Variants in ABHD12 observed in about 807,000 individuals in gnomAD.
The protein encoded by ABHD12 is lysophosphatidylserine lipase ABHD12.
Under a neutral mutation model 58.3 loss-of-function variants are expected in ABHD12, and 43 were observed. That is an observed-to-expected ratio of 0.74 (90% confidence interval 0.58 to 0.95). ABHD12 has a LOEUF of 0.95. Among genes scored for constraint, ABHD12 ranks in the 40% least tolerant of loss-of-function variants. ABHD12 has a pLI of 0.00. For missense variants in ABHD12, 539 were observed against 537.2 expected (o/e 1.00, Z -0.03); for synonymous variants, 219 against 211.2 (o/e 1.04, Z -0.32).
At chr20:25,302,680 A>C (rs1333163359) in intron 11 of ABHD12, among the ~76,000 whole-genome samples, 3 of 152,132 alleles carry the variant, frequency 2.0e-5, no homozygotes, top group Non-Finnish European at 4.4e-5. Flanking sequence ...GCTGGGACAA[A>C]AGGTATGTGC....
intron 1 of ABHD12, among the ~76,000 whole-genome samples, chr20:25,371,252 A>G (rs1421601723): frequency 2.0e-5 from 3 of 152,228 alleles, no homozygotes; most frequent in Admixed American, 6.5e-5. Context: ...CAATGCCTAC[A>G]TTGGGGTGTG....
At chr20:25,386,173 C>G (rs919937614) in intron 1 of ABHD12, among the ~76,000 whole-genome samples, 1 of 151,314 alleles carries the variant, frequency 6.6e-6, no homozygotes, top group Non-Finnish European at 1.5e-5. Context: ...TTTTACAAAG[C>G]TATAGAAAAC....
chr20:25,355,550 CG>C (rs1386097958), intron 1 of ABHD12, among the ~76,000 whole-genome samples: 2 of 151,612 alleles, frequency 1.3e-5, no homozygotes, highest in Non-Finnish European at 2.9e-5. Flanking sequence ...AAAGTATAAA[CG>C]GTTTTTTTTT....
At chr20:25,364,523 G>A (rs116267841) in intron 1 of ABHD12, among the ~76,000 whole-genome samples, 1,688 of 152,238 alleles carry the variant, frequency 0.011, 31 homozygotes, top group African/African-American at 0.036. Flanking sequence ...TCCCATAAGA[G>A]TGGACCCAGC....
chr20:25,390,699 C>G lies in ABHD12; in HGVS notation c.5G>C (p.Arg2Thr). The change falls in exon 1 of 13, where the codon AGG (arginine) becomes ACG (threonine). Residue 2 changes from arginine (R) to threonine (T), a missense_variant. Arg to Thr is a moderately conservative substitution (Grantham distance 71, BLOSUM62 -1). Coordinates refer to ENST00000339157, the MANE Select transcript of ABHD12 (RefSeq NM_001042472.3). M[R>T]KRTEPVALEH... ...CAAGGCGACGGGCTCGGTCCGCTTC[C>G]TCATCCCGCGGCCGACAGGGCCAGC... 1.4e-6 allele frequency: 2 copies of G among 1,391,738 alleles called. No homozygotes were observed. The highest frequency in any genetic ancestry group is 1.9e-6 in the Non-Finnish European group (2 of 1,070,778). The allele number at this position is 1,391,738 out of a possible 1,614,324, so 86.2% of individuals were successfully genotyped here. A position where few individuals can be genotyped will look rare whatever the true frequency, so the allele number is the denominator to read the frequency against.
intron 1 of ABHD12, among the ~76,000 whole-genome samples, chr20:25,365,251 T>C (rs922591521): frequency 1.3e-5 from 2 of 152,248 alleles, no homozygotes; most frequent in African/African-American, 2.4e-5. Flanking sequence ...CCTGTCCCCA[T>C]CATGCCCACA....
At chr20:25,356,915 T>C (rs989132550) in intron 1 of ABHD12, among the ~76,000 whole-genome samples, 1 of 152,102 alleles carries the variant, frequency 6.6e-6, no homozygotes, top group Non-Finnish European at 1.5e-5. Context: ...GTAGGAGAAC[T>C]ACCTGGGACA....
chr20:25,311,156 G>T (rs762382345), intron 6 of ABHD12, among the ~76,000 whole-genome samples: 3 of 152,222 alleles, frequency 2.0e-5, no homozygotes, highest in Non-Finnish European at 4.4e-5. Context: ...CCTGGAACTT[G>T]TGAACGCGTT....
intron 1 of ABHD12, among the ~76,000 whole-genome samples, chr20:25,389,323 A>G (rs1391575698): frequency 6.6e-6 from 1 of 152,198 alleles, no homozygotes; most frequent in African/African-American, 2.4e-5. Flanking sequence ...CTGTCAAACC[A>G]TCGACTTAGA....
intron 1 of ABHD12, among the ~76,000 whole-genome samples, chr20:25,376,235 T>C (rs1263783573): frequency 6.6e-6 from 1 of 152,230 alleles, no homozygotes; most frequent in African/African-American, 2.4e-5. Context: ...TCCATGGTAT[T>C]CTCTTAGAAG....
At chr20:25,324,614 C>T (rs2500434) in intron 2 of ABHD12, among the ~76,000 whole-genome samples, 4,119 of 152,178 alleles carry the variant, frequency 0.027, 177 homozygotes, top group African/African-American at 0.09. Flanking sequence ...ACAGGGGTTG[C>T]GTGACTCCCA....
intron 4 of ABHD12, among the ~76,000 whole-genome samples, chr20:25,318,113 T>G (rs1261316377): frequency 6.6e-6 from 1 of 152,112 alleles, no homozygotes; most frequent in African/African-American, 2.4e-5. Context: ...GCTCAGGAGT[T>G]TGAGACCAGC....
In ABHD12 at chr20:25,359,207, G is replaced by A. The variant is rs1361767763; in HGVS notation, c.192-19856C>T. Among the ~76,000 whole-genome samples the A allele has an allele frequency of 2.6e-5, 4 of 151,438 alleles. No homozygotes were observed. In the East Asian group the frequency reaches 7.8e-4, roughly 30 times the overall value. ...GAGGCCGAGGCGGGTGGATCACGAG[G>A]TCAGGAGATCGAGACCATCCTGGCT... On this transcript the variant is annotated intron_variant, in intron 1 of 12. Transcript: ENST00000339157.
intron 1 of ABHD12, chr20:25,339,724 G>A: frequency 7.4e-7 from 1 of 1,359,082 alleles, no homozygotes; most frequent in Non-Finnish European, 9.8e-7. Flanking sequence ...GCCTCCTCAG[G>A]CCTCCCGATC....
intron 1 of ABHD12, among the ~76,000 whole-genome samples, chr20:25,360,723 A>T (rs2146085494): frequency 2.0e-5 from 3 of 152,344 alleles, no homozygotes; most frequent in Middle Eastern, 6.8e-3. Context: ...AAGGTGACAG[A>T]TCCAGAAAAG....
chr20:25,305,522 C>T (rs2088720714), intron 10 of ABHD12, among the ~76,000 whole-genome samples: 1 of 151,980 alleles, frequency 6.6e-6, no homozygotes, highest in Non-Finnish European at 1.5e-5. Flanking sequence ...GCCACCACAC[C>T]CGGCTAATTT....
chr20:25,296,590 CCAAA>C (rs1189743655), downstream of ABHD12: 40 of 1,539,840 alleles, frequency 2.6e-5, no homozygotes, highest in East Asian at 6.8e-5. Flanking sequence ...CCTTTTTTCC[CCAAA>C]CACTTTGCCA....
intron 1 of ABHD12, among the ~76,000 whole-genome samples, chr20:25,344,258 A>T (rs1568745773): frequency 6.6e-6 from 1 of 152,344 alleles, no homozygotes; most frequent in East Asian, 1.9e-4. Context: ...GAGACCCGGG[A>T]AGGAAAAATA....
At chr20:25,336,881 G>C (rs1017361994) in intron 2 of ABHD12, among the ~76,000 whole-genome samples, 1 of 152,174 alleles carries the variant, frequency 6.6e-6, no homozygotes, top group African/African-American at 2.4e-5. Context: ...GATGCCCAGG[G>C]GGGTGAGGCG....
Sources: allele counts gnomAD v4.1 joint callset (sites outside exome capture counted in the v4.1 genomes callset), GRCh38; gene constraint gnomAD v4.1.1; transcripts MANE v1.5; gene names NCBI Gene and HGNC (gene_info 2026-07-23, HGNC 2026-07-21).